Variants in TXLNB observed in about 807,000 individuals in gnomAD.
TXLNB encodes the protein beta-taxilin.
Under a neutral mutation model 57.4 loss-of-function variants are expected in TXLNB, and 37 were observed. That is an observed-to-expected ratio of 0.64 (90% CI 0.50 to 0.85). The LOEUF is 0.85. Ranked by LOEUF, TXLNB falls within the 40% of genes least tolerant of loss-of-function variation. TXLNB has a pLI of 0.00. For missense variants in TXLNB, 848 were observed against 825.6 expected (o/e 1.03, Z -0.33); for synonymous variants, 302 against 309.6 (o/e 0.98, Z 0.26).
chr6:139,307,661 C>T, the TXLNB span, among the ~76,000 whole-genome samples: 1 of 152,170 alleles, frequency 6.6e-6, no homozygotes, highest in African/African-American at 2.4e-5. Context: ...ATTTCCAGGA[C>T]AACCTTATTA....
At chr6:139,205,764 G>A in the TXLNB span, among the ~76,000 whole-genome samples, 1 of 152,262 alleles carries the variant, frequency 6.6e-6, no homozygotes. Context: ...CTATTTGAGG[G>A]AATAACTGAG....
chr6:139,278,828 A>C (rs1431712909), intron 2 of TXLNB, among the ~76,000 whole-genome samples: 1 of 152,166 alleles, frequency 6.6e-6, no homozygotes, highest in Non-Finnish European at 1.5e-5. Context: ...ACATGGTGAA[A>C]CCCCATCTCT....
At chr6:139,262,034 G>C (rs1400308435) in intron 5 of TXLNB, among the ~76,000 whole-genome samples, 3 of 151,054 alleles carry the variant, frequency 2.0e-5, no homozygotes, top group Non-Finnish European at 4.4e-5. Context: ...CTCTCGAGTA[G>C]CTGGGATTAC....
the TXLNB span, among the ~76,000 whole-genome samples, chr6:139,160,878 T>G: frequency 6.6e-6 from 1 of 152,214 alleles, no homozygotes; most frequent in African/African-American, 2.4e-5. Context: ...TTATAAAGTG[T>G]TTTCATGTAC....
At chr6:139,182,046 T>C in the TXLNB span, among the ~76,000 whole-genome samples, 1 of 152,228 alleles carries the variant, frequency 6.6e-6, no homozygotes, top group Non-Finnish European at 1.5e-5. Flanking sequence ...AGCAAAGAAG[T>C]CTAATTGAAC....
chr6:139,313,831 T>C, the TXLNB span, among the ~76,000 whole-genome samples: 1 of 151,942 alleles, frequency 6.6e-6, no homozygotes, highest in Non-Finnish European at 1.5e-5. Flanking sequence ...GAATGAACCA[T>C]CCTCCCAGCC....
the TXLNB span, among the ~76,000 whole-genome samples, chr6:139,165,707 G>A: frequency 1.3e-5 from 2 of 151,830 alleles, no homozygotes; most frequent in African/African-American, 2.4e-5. Flanking sequence ...CCATATCCAT[G>A]AATCATGTTT....
the TXLNB span, among the ~76,000 whole-genome samples, chr6:139,162,204 C>T: frequency 6.6e-6 from 1 of 151,982 alleles, no homozygotes; most frequent in East Asian, 1.9e-4. Context: ...AGATTGGGGC[C>T]AGACCATCAG....
At chr6:139,267,690 GGAAT>G (rs1232188224) in intron 4 of TXLNB, among the ~76,000 whole-genome samples, 3 of 152,096 alleles carry the variant, frequency 2.0e-5, no homozygotes, top group Non-Finnish European at 4.4e-5. Flanking sequence ...AGATACTGTA[GGAAT>G]GAAAAGAAGT....
the TXLNB span, among the ~76,000 whole-genome samples, chr6:139,312,424 A>G: frequency 6.6e-6 from 1 of 152,202 alleles, no homozygotes; most frequent in Non-Finnish European, 1.5e-5. Flanking sequence ...GCTGGGGGCA[A>G]CCCTATGAGG....
chr6:139,171,377 G>GAC, the TXLNB span, among the ~76,000 whole-genome samples: 1 of 152,148 alleles, frequency 6.6e-6, no homozygotes, highest in Non-Finnish European at 1.5e-5. Flanking sequence ...TACATAAATA[G>GAC]ATAATGCGCA....
At chr6:139,275,777 T>G (rs1776879660) in intron 3 of TXLNB, among the ~76,000 whole-genome samples, 1 of 152,232 alleles carries the variant, frequency 6.6e-6, no homozygotes, top group Non-Finnish European at 1.5e-5. Context: ...TATTCAGTTT[T>G]GGAGGCCCTC....
chr6:139,239,840 T>TC (rs1775885669), downstream of TXLNB, among the ~76,000 whole-genome samples: 3 of 142,110 alleles, frequency 2.1e-5, no homozygotes, highest in African/African-American at 9.4e-5. This position sits in a 1 kb window ranked among gnomAD's most constrained non-coding sequence, Gnocchi z 4.7. Context: ...TCTCCCTCCC[T>TC]TTCTCTCTCT....
At chr6:139,199,595 C>CAG in the TXLNB span, among the ~76,000 whole-genome samples, 1 of 152,294 alleles carries the variant, frequency 6.6e-6, no homozygotes, top group Non-Finnish European at 1.5e-5. Context: ...GGGAGATAGG[C>CAG]AGAGGAGTTG....
At chr6:139,272,659 T>C (rs1040647563) in intron 3 of TXLNB, among the ~76,000 whole-genome samples, 2 of 152,226 alleles carry the variant, frequency 1.3e-5, no homozygotes, top group African/African-American at 4.8e-5. Flanking sequence ...GCCTTTAATT[T>C]TGCACCATAG....
chr6:139,194,300 A>G, the TXLNB span, among the ~76,000 whole-genome samples: 1 of 152,190 alleles, frequency 6.6e-6, no homozygotes, highest in African/African-American at 2.4e-5. Context: ...AGTCAATGAG[A>G]CAGGAGTATA....
At chr6:139,247,532 C>CTTTTTTTTTTT (rs61368061) in intron 8 of TXLNB, among the ~76,000 whole-genome samples, 1 of 63,076 alleles carries the variant, frequency 1.6e-5, no homozygotes, top group African/African-American at 6.1e-5. Context: ...CTCTGGTCTT[C>CTTTTTTTTTTT]TTTTTTTTTT....
At chr6:139,239,680 T>C (rs1230748359), downstream of TXLNB, 1 of 152,126 alleles carries the variant, frequency 6.6e-6, no homozygotes, top group Non-Finnish European at 1.5e-5. This position sits in a 1 kb window ranked among gnomAD's most constrained non-coding sequence, Gnocchi z 4.7. Flanking sequence ...ACATTTTTTG[T>C]AGAGATGGGG....
At chr6:139,197,298 A>G in the TXLNB span, among the ~76,000 whole-genome samples, 3 of 152,186 alleles carry the variant, frequency 2.0e-5, no homozygotes, top group Non-Finnish European at 4.4e-5. Context: ...CATCCTGTAT[A>G]TTATATTTAT....
Sources: gnomAD v4.1 joint callset for allele counts (sites outside exome capture counted in the v4.1 genomes callset) on GRCh38, gnomAD v4.1.1 for gene constraint, Gnocchi (gnomAD v3.1) non-coding constraint, MANE v1.5 for transcripts, NCBI Gene and HGNC (gene_info 2026-07-23, HGNC 2026-07-21) for gene names.